Variants in SLC4A4 observed in about 807,000 individuals in gnomAD.
SLC4A4 encodes electrogenic sodium bicarbonate cotransporter 1.
A neutral mutation model predicts 111.5 loss-of-function variants in SLC4A4; 27 were observed. The ratio of observed to expected loss-of-function variants is 0.24; its 90% confidence interval spans 0.18 to 0.33. The LOEUF (loss-of-function observed/expected upper bound fraction) is 0.33, where lower values mean the gene tolerates loss of function less well. Among genes scored for constraint, SLC4A4 ranks in the 10% least tolerant of loss-of-function variants. SLC4A4 has a pLI of 1.00. For missense variants in SLC4A4, 909 were observed against 1,315.5 expected, an observed-to-expected ratio of 0.69 and a Z score of 4.78; for synonymous variants, 443 against 463.4, an observed-to-expected ratio of 0.96 and a Z score of 0.57.
At chr4:71,420,720 A>G (rs1285167246) in intron 7 of SLC4A4, among the ~76,000 whole-genome samples, 1 of 148,004 alleles carries the variant, frequency 6.8e-6, no homozygotes, top group Non-Finnish European at 1.5e-5. Context: ...CCAGAATTTC[A>G]TATCCAGCCA....
chr4:71,332,445 C>CTTT (rs1217439953), intron 3 of SLC4A4, among the ~76,000 whole-genome samples: 5 of 136,898 alleles, frequency 3.7e-5, no homozygotes, highest in Admixed American at 1.5e-4. Context: ...TGTGTATTTT[C>CTTT]TTTTTTTTTT....
intron 13 of SLC4A4, among the ~76,000 whole-genome samples, chr4:71,470,466 A>G (rs1483483202): frequency 6.6e-6 from 1 of 152,046 alleles, no homozygotes; most frequent in Non-Finnish European, 1.5e-5. Flanking sequence ...TCATGCTACA[A>G]TTTTTAAAAG....
At chr4:71,447,392 C>G (rs1725333827) in intron 8 of SLC4A4, among the ~76,000 whole-genome samples, 1 of 152,198 alleles carries the variant, frequency 6.6e-6, no homozygotes, top group African/African-American at 2.4e-5. Flanking sequence ...GTGCACCTTT[C>G]CTGCTCAGTG....
At chr4:71,422,303 T>C (rs1374397660) in intron 7 of SLC4A4, among the ~76,000 whole-genome samples, 1 of 145,048 alleles carries the variant, frequency 6.9e-6, no homozygotes, top group Non-Finnish European at 1.5e-5. Flanking sequence ...GTTGAATCTC[T>C]GAATAGACCA....
chr4:71,355,215 A>G (rs568843819), intron 5 of SLC4A4, among the ~76,000 whole-genome samples: 2 of 152,306 alleles, frequency 1.3e-5, no homozygotes, highest in East Asian at 3.9e-4. Flanking sequence ...CCCTGCCAGG[A>G]AGGGTAGATA....
chr4:71,497,614 T>A lies in SLC4A4; in HGVS notation c.2088T>A (p.Ser696=). 1 of 1,613,752 alleles carries A rather than the reference T, an allele frequency of 6.2e-7. No homozygotes were observed. The highest frequency in any genetic ancestry group is 8.5e-7 in the Non-Finnish European group (1 of 1,179,762). The change falls in exon 16 of 26, where the codon TCT becomes TCA. Residue 696 remains serine (S), a synonymous_variant. Coordinates refer to ENST00000264485, the MANE Select transcript of SLC4A4 (RefSeq NM_001098484.3). ...CNFVPDITLM[S]FILFLGTYTS... ...TTGTTCCTGATATCACACTCATGTC[T>A]TTTATCCTCTTCTTGGGAACCTACA...
rs76110052 is a variant in SLC4A4 at position 71,394,534 on chromosome 4, A to G, written c.731-3043A>G. Among the ~76,000 whole-genome samples, 1,166 of 152,184 alleles carry G rather than the reference A, an allele frequency of 7.7e-3. 16 individuals are homozygous for G. Among genetic ancestry groups the G allele is most frequent in the African/African-American group, 0.025 (1,028 of 41,528 alleles). On this transcript the variant is annotated intron_variant, in intron 6 of 25. Coordinates refer to ENST00000264485, the MANE Select transcript of SLC4A4 (RefSeq NM_001098484.3). ...TGGTGTGGATGGCGGTGATCAGGGA[A>G]CACTTCTACACTGCTGAGGGGAATG...
chr4:71,155,618 G>A (rs1310808251), intron 2 of SLC4A4, among the ~76,000 whole-genome samples: 2 of 151,834 alleles, frequency 1.3e-5, no homozygotes, highest in Admixed American at 6.6e-5. Flanking sequence ...GCTGCATCAC[G>A]CCCAGCTAAT....
chr4:71,255,180 T>G, intron 2 of SLC4A4, 40 bp from the exon 3 acceptor site: 1 of 1,570,260 alleles, frequency 6.4e-7, no homozygotes. Context: ...CAGTAGAGAA[T>G]GTGGTTTGAA....
intron 3 of SLC4A4, among the ~76,000 whole-genome samples, chr4:71,296,755 C>G (rs1246737797): frequency 6.6e-6 from 1 of 152,122 alleles, no homozygotes; most frequent in African/African-American, 2.4e-5. Flanking sequence ...ATTACACATA[C>G]TTGAAAATCT....
intron 16 of SLC4A4, among the ~76,000 whole-genome samples, chr4:71,505,133 A>T (rs942474828): frequency 2.0e-5 from 3 of 152,104 alleles, no homozygotes; most frequent in African/African-American, 7.2e-5. Flanking sequence ...TCTATGACTG[A>T]TGGGCTTTTA....
At chr4:71,075,582 CTGCCTGGGG>C (rs1741789544) in intron 1 of SLC4A4, among the ~76,000 whole-genome samples, 1 of 152,212 alleles carries the variant, frequency 6.6e-6, no homozygotes, top group Admixed American at 6.5e-5. Flanking sequence ...GCTGTTCACG[CTGCCTGGGG>C]TGTTTCCGCC....
At position 71,384,838 on chromosome 4, in the gene SLC4A4, G is replaced by A. The variant is rs75824747; in HGVS notation, c.731-12739G>A. 8.3e-3 allele frequency among the ~76,000 whole-genome samples: 1,265 copies of A among 151,582 alleles called. 20 individuals carry two copies. The highest frequency in any genetic ancestry group is 0.027 in the African/African-American group (1,118 of 41,344). On this transcript the variant is annotated intron_variant, in intron 6 of 25. Coordinates refer to ENST00000264485, the MANE Select transcript of SLC4A4 (RefSeq NM_001098484.3). ...AGGGTCTTTTGACTTCTTACCTTGT[G>A]AAAAAAGGATGTAGGAGCATCACAC...
At chr4:71,395,479 T>C (rs556816229) in intron 6 of SLC4A4, among the ~76,000 whole-genome samples, 143 of 152,316 alleles carry the variant, frequency 9.4e-4, no homozygotes, top group African/African-American at 3.3e-3. Flanking sequence ...GACCTGAACC[T>C]TTCTCTTGCT....
At chr4:71,181,315 T>C (rs1381670286) in intron 2 of SLC4A4, among the ~76,000 whole-genome samples, 1 of 151,998 alleles carries the variant, frequency 6.6e-6, no homozygotes, top group Admixed American at 6.6e-5. Context: ...TGTATACAGA[T>C]GTAACTAACC....
At chr4:71,507,549 TA>T (rs1731530468) in intron 16 of SLC4A4, among the ~76,000 whole-genome samples, 1 of 152,192 alleles carries the variant, frequency 6.6e-6, no homozygotes, top group African/African-American at 2.4e-5. Context: ...CTAACTATCC[TA>T]AATAGAAATG....
chr4:71,200,627 G>A (rs1383233477), intron 1 of SLC4A4, among the ~76,000 whole-genome samples: 2 of 152,160 alleles, frequency 1.3e-5, no homozygotes, highest in African/African-American at 2.4e-5. Context: ...TCCTGGGCTG[G>A]AAAGTGGCAT....
At chr4:71,133,286 T>C (rs139576760) in intron 2 of SLC4A4, among the ~76,000 whole-genome samples, 39 of 152,342 alleles carry the variant, frequency 2.6e-4, no homozygotes, top group African/African-American at 8.9e-4. Flanking sequence ...CTTTACCGTA[T>C]GTTTTAGTTA....
chr4:71,383,595 CG>C (rs1390120293), intron 6 of SLC4A4, among the ~76,000 whole-genome samples: 2 of 152,088 alleles, frequency 1.3e-5, no homozygotes, highest in East Asian at 3.9e-4. Flanking sequence ...TTTACTGTTT[CG>C]TAAGGATCTT....
Sources: allele counts gnomAD v4.1 joint callset (sites outside exome capture counted in the v4.1 genomes callset), GRCh38; gene constraint gnomAD v4.1.1; transcripts MANE v1.5; gene names NCBI Gene and HGNC (gene_info 2026-07-23, HGNC 2026-07-21).